PCDH11Y: variants seen among roughly 807,000 people sequenced by gnomAD.
PCDH11Y encodes protocadherin 11 Y-linked.
For missense variants in PCDH11Y, 12 were observed against 224.8 expected, an observed-to-expected ratio of 0.05 and a Z score of 6.05; for synonymous variants, 9 against 83.6, an observed-to-expected ratio of 0.11 and a Z score of 4.87.
At chrY:5,435,692 A>C in intron 2 of PCDH11Y, among the ~76,000 whole-genome samples, 2 of 33,215 alleles carry the variant, frequency 6.0e-5, no homozygotes, top group Non-Finnish European at 1.5e-4. Context: ...ACCTTGTGGA[A>C]GGTTAAAACA....
At chrY:5,063,005 T>C in intron 1 of PCDH11Y, among the ~76,000 whole-genome samples, 1 of 32,780 alleles carries the variant, frequency 3.1e-5, no homozygotes, top group Non-Finnish European at 7.5e-5. Flanking sequence ...ATGACTTAAA[T>C]CCTAAAATAA....
At chrY:5,640,745 C>G (rs2053522622) in intron 4 of PCDH11Y, among the ~76,000 whole-genome samples, 1 of 33,638 alleles carries the variant, frequency 3.0e-5, no homozygotes, top group Non-Finnish European at 7.4e-5. Flanking sequence ...CTTAAGTGCC[C>G]TAGGTTTTGC....
At chrY:5,180,540 A>C (rs2052899140) in intron 2 of PCDH11Y, among the ~76,000 whole-genome samples, 1 of 33,545 alleles carries the variant, frequency 3.0e-5, no homozygotes, top group Non-Finnish European at 7.4e-5. Context: ...GTCCCTCACT[A>C]TTATTGTGTG....
chrY:5,644,104 G>C, intron 4 of PCDH11Y, among the ~76,000 whole-genome samples: 1 of 32,842 alleles, frequency 3.0e-5, no homozygotes, highest in Non-Finnish European at 7.5e-5. Flanking sequence ...TTTTTGCTAT[G>C]AGGAACTCTA....
chrY:5,321,940 A>G, intron 2 of PCDH11Y, among the ~76,000 whole-genome samples: 9 of 30,124 alleles, frequency 3.0e-4, no homozygotes, highest in Non-Finnish European at 6.4e-4. Context: ...CCAGACTGGG[A>G]AACAGACTGA....
At chrY:5,023,220 T>C in intron 1 of PCDH11Y, among the ~76,000 whole-genome samples, 1 of 33,659 alleles carries the variant, frequency 3.0e-5, no homozygotes, top group South Asian at 6.6e-4. Context: ...ATGGCATTTG[T>C]TATCAGTCCT....
chrY:5,236,128 A>T, intron 2 of PCDH11Y, among the ~76,000 whole-genome samples: 2 of 33,401 alleles, frequency 6.0e-5, no homozygotes, highest in African/African-American at 1.2e-4. Context: ...CAAGAAGTAT[A>T]GAAAAGAATG....
chrY:5,073,458 C>T (rs2052703489), intron 1 of PCDH11Y, among the ~76,000 whole-genome samples: 3 of 27,998 alleles, frequency 1.1e-4, no homozygotes, highest in South Asian at 8.4e-4. Context: ...TTTTTTGAGA[C>T]GGAGTTTCAC....
At chrY:5,490,483 C>T in intron 2 of PCDH11Y, among the ~76,000 whole-genome samples, 2 of 34,456 alleles carry the variant, frequency 5.8e-5, no homozygotes, top group Admixed American at 5.2e-4. Flanking sequence ...TATGTTAGAC[C>T]ATGTGGCTTA....
intron 3 of PCDH11Y, among the ~76,000 whole-genome samples, chrY:5,535,532 C>G: frequency 6.0e-5 from 2 of 33,500 alleles, no homozygotes; most frequent in African/African-American, 1.2e-4. Context: ...ATAATGATCT[C>G]CAATTCCATC....
intron 4 of PCDH11Y, among the ~76,000 whole-genome samples, chrY:5,675,603 A>C: frequency 2.9e-5 from 1 of 34,048 alleles, no homozygotes; most frequent in African/African-American, 1.1e-4. Flanking sequence ...AAACAATGAA[A>C]GTATGGAAAT....
intron 4 of PCDH11Y, among the ~76,000 whole-genome samples, chrY:5,653,965 C>T: frequency 3.0e-5 from 1 of 33,009 alleles, no homozygotes; most frequent in Non-Finnish European, 7.5e-5. Context: ...ATTCAACATT[C>T]TTAAAAAAAG....
intron 2 of PCDH11Y, among the ~76,000 whole-genome samples, chrY:5,147,863 G>A (rs2052859435): frequency 3.0e-5 from 1 of 32,828 alleles, no homozygotes; most frequent in Non-Finnish European, 7.5e-5. Context: ...GTAGTCTCTA[G>A]AAACTGGAAA....
At chrY:5,473,186 A>G in intron 2 of PCDH11Y, among the ~76,000 whole-genome samples, 1 of 30,352 alleles carries the variant, frequency 3.3e-5, no homozygotes, top group African/African-American at 1.3e-4. Flanking sequence ...AATACAGATA[A>G]CATAAAACTT....
intron 2 of PCDH11Y, among the ~76,000 whole-genome samples, chrY:5,190,814 T>G: frequency 9.6e-5 from 3 of 31,376 alleles, no homozygotes; most frequent in Admixed American, 8.9e-4. Context: ...TTCTTTGATT[T>G]TTTTTTTTTT....
chrY:5,574,195 G>A, intron 3 of PCDH11Y: 1 of 265,400 alleles, frequency 3.8e-6, no homozygotes, highest in Admixed American at 8.5e-5. Context: ...GCACAGACCC[G>A]GGCAGAGAGA....
chrY:5,332,965 T>C, intron 2 of PCDH11Y, among the ~76,000 whole-genome samples: 1 of 33,672 alleles, frequency 3.0e-5, no homozygotes, highest in African/African-American at 1.2e-4. Flanking sequence ...CTTAGAAAAA[T>C]ATAAAACACT....
chrY:5,322,713 G>T (rs2053114479), intron 2 of PCDH11Y, among the ~76,000 whole-genome samples: 1 of 32,398 alleles, frequency 3.1e-5, no homozygotes, highest in Non-Finnish European at 7.5e-5. Flanking sequence ...TGATCCTAGG[G>T]ATTTCTTATT....
chrY:5,367,445 C>T, intron 2 of PCDH11Y, among the ~76,000 whole-genome samples: 1 of 18,898 alleles, frequency 5.3e-5, no homozygotes, highest in African/African-American at 2.2e-4. Flanking sequence ...ACTGCAGTGG[C>T]GCAATCTCGG....
Sources: allele counts gnomAD v4.1 joint callset (sites outside exome capture counted in the v4.1 genomes callset), GRCh38; gene constraint gnomAD v4.1.1; transcripts MANE v1.5; gene names NCBI Gene and HGNC (gene_info 2026-07-23, HGNC 2026-07-21).